Variants in CFAP95 observed in about 807,000 individuals in gnomAD.
CFAP95 encodes the protein cilia and flagella associated protein 95.
chr9:69,847,625 A>G, the CFAP95 span, among the ~76,000 whole-genome samples: 1 of 152,238 alleles, frequency 6.6e-6, no homozygotes, highest in East Asian at 1.9e-4. Flanking sequence ...TTGATTTCTT[A>G]CATCTTAGCC....
chr9:69,905,517 T>A, the CFAP95 span, among the ~76,000 whole-genome samples: 1 of 152,208 alleles, frequency 6.6e-6, no homozygotes, highest in Non-Finnish European at 1.5e-5. Context: ...CATTTACCAG[T>A]GTCATGGGAA....
At chr9:69,829,478 G>A in the CFAP95 span, among the ~76,000 whole-genome samples, 1 of 152,140 alleles carries the variant, frequency 6.6e-6, no homozygotes, top group Non-Finnish European at 1.5e-5. Context: ...TACAGAAGAG[G>A]CATTTCACCA....
At chr9:69,883,836 T>A in the CFAP95 span, among the ~76,000 whole-genome samples, 1 of 151,616 alleles carries the variant, frequency 6.6e-6, no homozygotes, top group African/African-American at 2.4e-5. Context: ...AAAAAACAAT[T>A]AAAAAAAAAT....
chr9:69,837,231 T>G, the CFAP95 span, among the ~76,000 whole-genome samples: 1 of 152,232 alleles, frequency 6.6e-6, no homozygotes, highest in Non-Finnish European at 1.5e-5. Flanking sequence ...TTTATAGTCC[T>G]TTGGGTATAT....
the CFAP95 span, among the ~76,000 whole-genome samples, chr9:69,847,506 T>C: frequency 6.6e-6 from 1 of 152,242 alleles, no homozygotes; most frequent in Non-Finnish European, 1.5e-5. Flanking sequence ...ACTTCTAGTG[T>C]GCTGGCCTTT....
At chr9:69,821,320 G>A in the CFAP95 span, among the ~76,000 whole-genome samples, 3 of 152,120 alleles carry the variant, frequency 2.0e-5, no homozygotes, top group African/African-American at 7.2e-5. Flanking sequence ...GTGGGAGAGA[G>A]GGTTGGAGCA....
the CFAP95 span, among the ~76,000 whole-genome samples, chr9:69,832,620 A>ATTTTTTGTTTTTTTTTTTT: frequency 8.8e-5 from 1 of 11,344 alleles, no homozygotes; most frequent in Non-Finnish European, 1.3e-4. Context: ...GTCTATTCGG[A>ATTTTTTGTTTTTTTTTTTT]TTTTTTTTTT....
the CFAP95 span, among the ~76,000 whole-genome samples, chr9:69,890,819 G>C: frequency 3.9e-5 from 6 of 152,074 alleles, no homozygotes; most frequent in African/African-American, 1.4e-4. Context: ...TATAAAGTGG[G>C]ACAGCATTAT....
At chr9:69,839,463 T>C in the CFAP95 span, among the ~76,000 whole-genome samples, 1 of 152,132 alleles carries the variant, frequency 6.6e-6, no homozygotes, top group Non-Finnish European at 1.5e-5. Flanking sequence ...TCTCACTTCG[T>C]CACCCAGGCT....
the CFAP95 span, among the ~76,000 whole-genome samples, chr9:69,830,645 T>G: frequency 6.6e-6 from 1 of 152,078 alleles, no homozygotes; most frequent in Non-Finnish European, 1.5e-5. Context: ...TAAATTTGAG[T>G]ACTCTTATTT....
chr9:69,839,840 T>G, the CFAP95 span, among the ~76,000 whole-genome samples: 1 of 151,688 alleles, frequency 6.6e-6, no homozygotes, highest in Non-Finnish European at 1.5e-5. Flanking sequence ...CTTTGGGAGG[T>G]CTAGGTGGGT....
chr9:69,842,749 T>A, the CFAP95 span, among the ~76,000 whole-genome samples: 1 of 152,200 alleles, frequency 6.6e-6, no homozygotes. Flanking sequence ...AAGTGAAAGC[T>A]TCCTGTTAGG....
the CFAP95 span, among the ~76,000 whole-genome samples, chr9:69,881,172 G>A: frequency 5.3e-4 from 80 of 152,214 alleles, no homozygotes; most frequent in African/African-American, 1.7e-3. Context: ...AACTTGATGT[G>A]ATCCCATTTG....
At chr9:69,843,952 C>T in the CFAP95 span, among the ~76,000 whole-genome samples, 1 of 151,884 alleles carries the variant, frequency 6.6e-6, no homozygotes, top group Non-Finnish European at 1.5e-5. Flanking sequence ...TATTCTTAAT[C>T]ACTCTTTTAA....
the CFAP95 span, among the ~76,000 whole-genome samples, chr9:69,853,225 C>T: frequency 3.3e-5 from 5 of 152,148 alleles, no homozygotes; most frequent in African/African-American, 1.2e-4. Context: ...AAATATATAA[C>T]CTGAGAAGTC....
At chr9:69,891,346 G>A in the CFAP95 span, among the ~76,000 whole-genome samples, 4 of 152,196 alleles carry the variant, frequency 2.6e-5, no homozygotes, top group South Asian at 2.1e-4. Flanking sequence ...CAAGTCCCCC[G>A]GGACCCTGGA....
the CFAP95 span, among the ~76,000 whole-genome samples, chr9:69,850,915 C>T: frequency 2.6e-5 from 4 of 152,202 alleles, no homozygotes; most frequent in African/African-American, 9.6e-5. Context: ...CAATTTTGGC[C>T]CACTGAGTGT....
the CFAP95 span, chr9:69,884,792 A>G: frequency 1.3e-5 from 2 of 151,590 alleles, no homozygotes; most frequent in Admixed American, 6.6e-5. Flanking sequence ...AATTTGTTTT[A>G]TGAGCAGAAA....
the CFAP95 span, chr9:69,844,595 A>T: frequency 9.2e-5 from 149 of 1,613,350 alleles, 1 homozygote; most frequent in African/African-American, 1.8e-3. Context: ...GTAATTCAAC[A>T]TATCGGCGAC....
Sources: allele counts gnomAD v4.1 joint callset (sites outside exome capture counted in the v4.1 genomes callset), GRCh38; gene constraint gnomAD v4.1.1; transcripts MANE v1.5; gene names NCBI Gene and HGNC (gene_info 2026-07-23, HGNC 2026-07-21).